The following TMEM67 variants were observed in gnomAD, a reference collection of about 807,000 sequenced individuals.
TMEM67 encodes the protein transmembrane protein 67.
TMEM67 carries 124 observed loss-of-function variants against 136.6 expected under a neutral mutation model. That is an observed-to-expected ratio of 0.91 (90% CI 0.78 to 1.05). The LOEUF (loss-of-function observed/expected upper bound fraction) is 1.05, where lower values mean the gene tolerates loss of function less well. Ranked by LOEUF, TMEM67 falls within the 50% of genes least tolerant of loss-of-function variation. The probability of loss-of-function intolerance (pLI) is 0.00; values close to 1 mark genes in which losing one functional copy is unlikely to be tolerated. For synonymous variants in TMEM67, 364 were observed against 390.5 expected, an observed-to-expected ratio of 0.93 and a Z score of 0.80; for missense variants, 1,107 against 1,178.4, an observed-to-expected ratio of 0.94 and a Z score of 0.89.
downstream of TMEM67, among the ~76,000 whole-genome samples, chr8:93,820,480 T>C (rs984968242): frequency 6.6e-5 from 10 of 152,154 alleles, no homozygotes; most frequent in Admixed American, 3.9e-4. Flanking sequence ...AGAAAATACA[T>C]TGCCCCACTG....
chr8:93,785,138 A>G lies in TMEM67; in HGVS notation c.1132-84A>G, dbSNP rs189114420. 246 of 890,002 alleles carry G rather than the reference A, an allele frequency of 2.8e-4. No homozygotes were observed. The East Asian group carries it at 2.8e-3, about 10-fold the overall frequency. The allele number at this position is 890,002 out of a possible 1,614,324, so 55.1% of individuals were successfully genotyped here. A position where few individuals can be genotyped will look rare whatever the true frequency, so the allele number is the denominator to read the frequency against. ...TAATAAATATGCTTGCTAATTTTCA[A>G]TTGTGATCTTTTATTTTATTTTTTA... On this transcript the variant is annotated intron_variant, in intron 11 of 27. Coordinates refer to ENST00000453321, the MANE Select transcript of TMEM67 (RefSeq NM_153704.6).
chr8:93,832,644 G>A, the TMEM67 span, among the ~76,000 whole-genome samples: 11 of 152,126 alleles, frequency 7.2e-5, no homozygotes, highest in African/African-American at 1.9e-4. Flanking sequence ...CAAGGCAGGC[G>A]GATCACTTGA....
chr8:93,814,648 C>CT (rs1268574102), intron 26 of TMEM67, among the ~76,000 whole-genome samples: 1 of 148,138 alleles, frequency 6.8e-6, no homozygotes, highest in Non-Finnish European at 1.5e-5. Flanking sequence ...GCTTTTCTTT[C>CT]TTTCTTTTTT....
rs117438092 is a variant in TMEM67, at chr8:93,809,307, A to C, written c.2661+146A>C. 12 of 660,968 alleles carry C rather than the reference A, an allele frequency of 1.8e-5. No individual in the cohort carries two copies. The East Asian group carries it at 2.7e-4, about 15-fold the overall frequency. 40.9% of individuals were successfully genotyped at this position (660,968 alleles called of 1,614,324 possible). A position where few individuals can be genotyped will look rare whatever the true frequency, so the allele number is the denominator to read the frequency against. On this transcript the variant is annotated intron_variant, in intron 25 of 27. Coordinates refer to ENST00000453321, the MANE Select transcript of TMEM67 (RefSeq NM_153704.6). ...GACCTTCCCTTTTTTTGTCTGTCACATTCAATACTTAGGAATAATATATTT... is the reference window on the plus strand; with the variant it reads ...GACCTTCCCTTTTTTTGTCTGTCACCTTCAATACTTAGGAATAATATATTT...
chr8:93,799,541 A>G (rs1007955609), intron 20 of TMEM67, 77 bp from the exon 21 acceptor site: 4 of 1,423,564 alleles, frequency 2.8e-6, no homozygotes, highest in Non-Finnish European at 3.9e-6. Context: ...GAGTAGGGAG[A>G]GGTTTTCTGT....
the TMEM67 span, among the ~76,000 whole-genome samples, chr8:93,829,028 A>G: frequency 1.3e-5 from 2 of 152,190 alleles, no homozygotes; most frequent in African/African-American, 4.8e-5. Flanking sequence ...TAATTTTACA[A>G]TTTGAGGTAA....
chr8:93,786,280 G>A lies in TMEM67; in HGVS notation c.1346G>A (p.Ser449Asn), dbSNP rs1814093810. The change falls in exon 13 of 28, where the codon AGT becomes AAT. Residue 449 changes from serine to asparagine, a missense_variant. Around this residue, in one of 3 missense-constraint regions of TMEM67, gnomAD observed 925 missense variants for 1,002.4 expected, o/e 0.92. Coordinates refer to ENST00000453321, the MANE Select transcript of TMEM67 (RefSeq NM_153704.6). ...CGCATTTTCTTAGTGGATGCAGTAAGTGGACGAGAAAATGACTTAGGAACT... is the reference window on the plus strand; with the variant it reads ...CGCATTTTCTTAGTGGATGCAGTAAATGGACGAGAAAATGACTTAGGAACT... ...TRRIFLVDAVSGRENDLGTQP... is the reference protein window; with the variant it reads ...TRRIFLVDAVNGRENDLGTQP... 5 of 1,614,044 alleles carry A rather than the reference G, an allele frequency of 3.1e-6. No homozygotes were observed. In the East Asian group the frequency reaches 8.9e-5, roughly 29 times the overall value.
chr8:93,770,409 A>T (rs377253931), intron 6 of TMEM67, among the ~76,000 whole-genome samples: 1 of 152,128 alleles, frequency 6.6e-6, no homozygotes, highest in Non-Finnish European at 1.5e-5. Flanking sequence ...ATCCATTCAT[A>T]CCCAAATTTT....
chr8:93,829,319 A>C, the TMEM67 span, among the ~76,000 whole-genome samples: 1 of 146,212 alleles, frequency 6.8e-6, no homozygotes, highest in African/African-American at 2.5e-5. Context: ...GAACTCTCTC[A>C]CTCAAGTCTT....
At chr8:93,819,030 C>A (rs1280670999), downstream of TMEM67, 1 of 445,400 alleles carries the variant, frequency 2.2e-6, no homozygotes. Context: ...GTCTTGAACT[C>A]CTGATCGAGA....
chr8:93,797,552 A>C (rs891229055), intron 20 of TMEM67, 82 bp downstream of exon 20: 1 of 1,343,856 alleles, frequency 7.4e-7, no homozygotes, highest in African/African-American at 1.5e-5. Context: ...CTAAGTTTTC[A>C]TGACAGTGGA....
rs1211156516 is a variant in TMEM67, at chr8:93,793,297, G to A, written c.1674+1G>A. The A allele has an allele frequency of 6.2e-7, 1 of 1,608,696 alleles. No individual in the cohort carries two copies. The highest frequency in any genetic ancestry group is 1.7e-5 in the Admixed American group (1 of 60,012). ...TGGGAGTCCCATGATTGATTTACAG[G>A]TATAATCTCAGGAGTTTTTTAAGAA... is the stretch of plus-strand genomic sequence containing the variant. On this transcript the variant is annotated splice_donor_variant, in intron 16 of 27. Coordinates refer to ENST00000453321, the MANE Select transcript of TMEM67 (RefSeq NM_153704.6). LOFTEE classifies it high-confidence loss of function.
the TMEM67 span, among the ~76,000 whole-genome samples, chr8:93,827,748 G>A: frequency 2.6e-5 from 4 of 151,350 alleles, no homozygotes; most frequent in African/African-American, 7.3e-5. Flanking sequence ...ATGAGCCACC[G>A]TGCCTGGCTT....
intron 9 of TMEM67, among the ~76,000 whole-genome samples, 155 bp from the exon 10 acceptor site, chr8:93,781,502 AT>A (rs1222498069): frequency 6.6e-6 from 1 of 152,234 alleles, no homozygotes; most frequent in African/African-American, 2.4e-5. Context: ...TTTCAGGTCT[AT>A]TTAGTCATAG....
chr8:93,755,015 T>C lies in TMEM67; in HGVS notation c.101T>C (p.Leu34Ser). ...AFLLLFLPRF[L>S]QAQTFSFPFQ... ...CTTCTGTTGTTCCTCCCTCGCTTCT[T>C]ACAGGCCCAGACCTTCTCTTTCCCT... Residue 34 changes from leucine (L) to serine (S), a missense_variant, in exon 1 of 28, where the codon TTA (leucine) becomes TCA (serine). By Grantham distance (145) the Leu-to-Ser change is moderately radical (BLOSUM62 -2). Around this residue, in one of 3 missense-constraint regions of TMEM67, gnomAD observed 178 missense variants for 159.2 expected, o/e 1.12. Coordinates refer to ENST00000453321, the MANE Select transcript of TMEM67 (RefSeq NM_153704.6). 6.2e-7 allele frequency: 1 copy of C among 1,614,214 alleles called. No individual in the cohort carries two copies. The highest frequency in any genetic ancestry group is 1.6e-4 in the Middle Eastern group (1 of 6,062).
chr8:93,822,279 A>AC, downstream of TMEM67, among the ~76,000 whole-genome samples: 1 of 152,322 alleles, frequency 6.6e-6, no homozygotes, highest in South Asian at 2.1e-4. Flanking sequence ...GCAAAATAAA[A>AC]CCGTGTGATA....
At chr8:93,756,429 A>C (rs1812577051) in intron 2 of TMEM67, 1 of 152,178 alleles carries the variant, frequency 6.6e-6, no homozygotes, top group Non-Finnish European at 1.5e-5. Flanking sequence ...CTCAACATAA[A>C]TATATTTTTC....
chr8:93,797,078 AT>A (rs1814651874), intron 18 of TMEM67, 55 bp from the exon 19 acceptor site: 1 of 1,027,378 alleles, frequency 9.7e-7, no homozygotes, highest in Admixed American at 1.7e-5. Flanking sequence ...TATTGGTTTT[AT>A]AAGCAGACTT....
Position 93,754,975 on chromosome 8 carries a change from G to A in TMEM67, c.61G>A (p.Ala21Thr), listed in dbSNP as rs1335147273. 6.2e-7 allele frequency: 1 copy of A among 1,614,194 alleles called. No individual in the cohort carries two copies. Among genetic ancestry groups the A allele is most frequent in the South Asian group, 1.1e-5 (1 of 91,084 alleles). ...MAVWSLLSAR[A>T]VTAFLLLFLP... ...GGTTTGGTCCCTCTTATCCGCCCGGGCCGTGACCGCGTTCCTTCTGTTGTT... is the reference window on the plus strand; with the variant it reads ...GGTTTGGTCCCTCTTATCCGCCCGGACCGTGACCGCGTTCCTTCTGTTGTT... Residue 21 changes from alanine to threonine, a missense_variant, in exon 1 of 28, where the codon GCC (alanine) becomes ACC (threonine). Ala to Thr is a moderately conservative substitution (Grantham distance 58, BLOSUM62 0). Coordinates refer to ENST00000453321, the MANE Select transcript of TMEM67 (RefSeq NM_153704.6).
Sources: allele counts gnomAD v4.1 joint callset (sites outside exome capture counted in the v4.1 genomes callset), GRCh38; gene constraint gnomAD v4.1.1; regional missense constraint gnomAD v4.1.1; transcripts MANE v1.5; gene names NCBI Gene and HGNC (gene_info 2026-07-23, HGNC 2026-07-21).